FCHSD2: variants seen among roughly 807,000 people sequenced by gnomAD.
The protein encoded by FCHSD2 is FCH and double SH3 domains 2.
FCHSD2 carries 38 observed loss-of-function variants against 108.1 expected under a neutral mutation model. The ratio of observed to expected loss-of-function variants is 0.35; its 90% confidence interval spans 0.27 to 0.46. The LOEUF (loss-of-function observed/expected upper bound fraction) is 0.46, where lower values mean the gene tolerates loss of function less well. Ranked by LOEUF, FCHSD2 falls within the 20% of genes least tolerant of loss-of-function variation. The pLI is 1.00. For missense variants in FCHSD2, 751 were observed against 897.8 expected, an observed-to-expected ratio of 0.84 and a Z score of 2.09; for synonymous variants, 279 against 314.7, an observed-to-expected ratio of 0.89 and a Z score of 1.20.
chr11:72,991,281 G>A (rs1223206110), intron 5 of FCHSD2, among the ~76,000 whole-genome samples: 1 of 152,122 alleles, frequency 6.6e-6, no homozygotes, highest in East Asian at 1.9e-4. Flanking sequence ...TCTACCAGAG[G>A]TACAAGGAGG....
chr11:72,999,652 T>G (rs1422276262), intron 5 of FCHSD2, among the ~76,000 whole-genome samples: 2 of 152,078 alleles, frequency 1.3e-5, no homozygotes, highest in Admixed American at 1.3e-4. Context: ...GAATGTCAGT[T>G]AAATTCAGGT....
At chr11:73,076,797 T>C (rs1257524764) in intron 3 of FCHSD2, among the ~76,000 whole-genome samples, 3 of 152,128 alleles carry the variant, frequency 2.0e-5, no homozygotes, top group East Asian at 3.9e-4. Context: ...TACTAGAAGC[T>C]GGGTGATAGC....
At chr11:72,940,974 G>GGA (rs1046274701) in intron 8 of FCHSD2, 158 of 752,508 alleles carry the variant, frequency 2.1e-4, no homozygotes, top group Non-Finnish European at 3.7e-4. Flanking sequence ...ATAAGCACAG[G>GGA]GAGATGTGTG....
chr11:72,974,071 C>CG (rs1356033217), intron 8 of FCHSD2, among the ~76,000 whole-genome samples: 2 of 112,278 alleles, frequency 1.8e-5, no homozygotes, highest in African/African-American at 7.3e-5. Flanking sequence ...CAGGTAAGGG[C>CG]GGGGGGCGGG....
At chr11:73,110,256 C>G (rs1349234436) in intron 2 of FCHSD2, among the ~76,000 whole-genome samples, 1 of 151,974 alleles carries the variant, frequency 6.6e-6, no homozygotes, top group Non-Finnish European at 1.5e-5. Flanking sequence ...AATAGTTTGA[C>G]AGCAGTGGTA....
At chr11:73,086,791 T>C (rs1859827089) in intron 2 of FCHSD2, among the ~76,000 whole-genome samples, 1 of 152,106 alleles carries the variant, frequency 6.6e-6, no homozygotes, top group Admixed American at 6.6e-5. Flanking sequence ...ATAAATTAAA[T>C]GAAAACAGGA....
At chr11:73,041,443 T>C (rs1203089847) in intron 3 of FCHSD2, among the ~76,000 whole-genome samples, 1 of 152,222 alleles carries the variant, frequency 6.6e-6, no homozygotes, top group Non-Finnish European at 1.5e-5. Context: ...TAAGATGATA[T>C]CTCATTGTGG....
chr11:72,887,197 T>G (rs982194139), intron 12 of FCHSD2, among the ~76,000 whole-genome samples: 3 of 152,130 alleles, frequency 2.0e-5, no homozygotes, highest in Admixed American at 6.5e-5. Flanking sequence ...TGGTTTATTA[T>G]GTACCTTTTA....
chr11:72,940,444 T>C (rs1856392144), intron 8 of FCHSD2: 4 of 639,948 alleles, frequency 6.3e-6, no homozygotes, highest in South Asian at 5.4e-5. Context: ...TGGCAATAAA[T>C]AGTAAATAAG....
chr11:73,049,684 T>TAAAAAA (rs557262661), intron 3 of FCHSD2, among the ~76,000 whole-genome samples: 2 of 75,640 alleles, frequency 2.6e-5, no homozygotes, highest in African/African-American at 3.8e-5. Context: ...TAGAGTATAA[T>TAAAAAA]AAAAAAAAAA....
chr11:72,988,032 C>T (rs946793621), intron 6 of FCHSD2, among the ~76,000 whole-genome samples: 4 of 152,176 alleles, frequency 2.6e-5, no homozygotes, highest in Admixed American at 6.5e-5. Context: ...CTTGATAAAC[C>T]GCGGAGCCCC....
intron 13 of FCHSD2, among the ~76,000 whole-genome samples, chr11:72,852,028 C>T (rs1292637323): frequency 6.6e-6 from 1 of 151,784 alleles, no homozygotes; most frequent in Non-Finnish European, 1.5e-5. Context: ...AGGTGTGCAC[C>T]ACCACACCTG....
At chr11:72,886,281 A>G (rs907109158) in intron 12 of FCHSD2, among the ~76,000 whole-genome samples, 12 of 152,102 alleles carry the variant, frequency 7.9e-5, no homozygotes, top group Non-Finnish European at 1.6e-4. Flanking sequence ...CTAAACTCAC[A>G]TCTCCTTCTT....
chr11:72,906,522 T>C (rs993628204), intron 9 of FCHSD2, among the ~76,000 whole-genome samples: 20 of 152,206 alleles, frequency 1.3e-4, no homozygotes, highest in Admixed American at 1.1e-3. Context: ...CTGAATGGTA[T>C]TGCCTAGGTT....
intron 12 of FCHSD2, among the ~76,000 whole-genome samples, chr11:72,879,719 G>A (rs55823053): frequency 0.037 from 5,640 of 152,190 alleles, 347 homozygotes; most frequent in African/African-American, 0.13. Flanking sequence ...CTGAGACTGA[G>A]ATAAAAAATA....
At position 73,014,622 on chromosome 11, in the gene FCHSD2, C is replaced by G. The variant is rs930079211; in HGVS notation, c.242+1187G>C. Among the ~76,000 whole-genome samples the G allele has an allele frequency of 3.9e-5, 6 of 152,114 alleles. No homozygotes were observed. The South Asian group carries it at 1.0e-3, about 26-fold the overall frequency. On this transcript the variant is annotated intron_variant, in intron 4 of 19. Transcript: ENST00000409418. ...ATCATCTGATGTCAATCATCACTGACAATTCAACAGCTTGATTTCGTATTC... is the reference window on the plus strand; with the variant it reads ...ATCATCTGATGTCAATCATCACTGAGAATTCAACAGCTTGATTTCGTATTC...
intron 5 of FCHSD2, among the ~76,000 whole-genome samples, chr11:72,992,286 T>C (rs1857431545): frequency 1.3e-5 from 2 of 152,162 alleles, no homozygotes; most frequent in African/African-American, 4.8e-5. Flanking sequence ...TGGAAGAACA[T>C]TCCATGCTCA....
chr11:72,977,755 C>T (rs1213233707), intron 8 of FCHSD2, among the ~76,000 whole-genome samples: 2 of 152,136 alleles, frequency 1.3e-5, no homozygotes, highest in South Asian at 2.1e-4. Flanking sequence ...ACCATTGGGG[C>T]GATTCCTCAA....
At chr11:73,080,229 C>T (rs1035218814) in intron 3 of FCHSD2, among the ~76,000 whole-genome samples, 2 of 131,018 alleles carry the variant, frequency 1.5e-5, no homozygotes, top group African/African-American at 5.8e-5. Flanking sequence ...CCCAGGAGTT[C>T]AAGATTACAC....
Sources: gnomAD v4.1 joint callset for allele counts (sites outside exome capture counted in the v4.1 genomes callset) on GRCh38, gnomAD v4.1.1 for gene constraint, MANE v1.5 for transcripts, NCBI Gene and HGNC (gene_info 2026-07-23, HGNC 2026-07-21) for gene names.